The following COL19A1 variants were observed in gnomAD, a reference collection of about 807,000 sequenced individuals.
COL19A1 encodes the protein collagen alpha-1(XIX) chain.
Under a neutral mutation model 190.2 loss-of-function variants are expected in COL19A1, and 159 were observed. The ratio of observed to expected loss-of-function variants is 0.84; its 90% CI spans 0.73 to 0.95. The LOEUF (loss-of-function observed/expected upper bound fraction) is 0.95, where lower values mean the gene tolerates loss of function less well. COL19A1 is among the 40% of genes least tolerant of loss of function. The pLI is 0.00. For missense variants in COL19A1, 1,418 were observed against 1,431.9 expected, an observed-to-expected ratio of 0.99 and a Z score of 0.16; for synonymous variants, 509 against 458.9, an observed-to-expected ratio of 1.11 and a Z score of -1.39.
At chr6:69,985,126 A>G (rs1390946443) in intron 11 of COL19A1, among the ~76,000 whole-genome samples, 4 of 152,194 alleles carry the variant, frequency 2.6e-5, no homozygotes, top group Non-Finnish European at 5.9e-5. Context: ...TGGGTAAGAT[A>G]AAACTTGAAA....
chr6:70,034,018 G>A (rs372619341), intron 12 of COL19A1, among the ~76,000 whole-genome samples: 1 of 152,092 alleles, frequency 6.6e-6, no homozygotes, highest in African/African-American at 2.4e-5. Context: ...AAGCAAAGTT[G>A]CACAAATATG....
chr6:69,943,417 C>A (rs2150027214), intron 9 of COL19A1, among the ~76,000 whole-genome samples: 1 of 152,132 alleles, frequency 6.6e-6, no homozygotes, highest in South Asian at 2.1e-4. Context: ...GCAATATGGT[C>A]CCATTTGTCT....
rs559696714 is a variant in COL19A1, at chr6:69,879,018, G to C, written c.-32-518G>C. Among the ~76,000 whole-genome samples, 5 of 152,310 alleles carry C rather than the reference G, an allele frequency of 3.3e-5. No homozygotes were observed. The East Asian group carries it at 9.6e-4, about 29-fold the overall frequency. On this transcript the variant is annotated intron_variant, in intron 1 of 50. Coordinates refer to ENST00000620364, the MANE Select transcript of COL19A1 (RefSeq NM_001858.6). ...GTCAAAATCATAGAGAAAGAAAGTA[G>C]AATGAAGGCTGCTTGGAGTTGGGGG...
chr6:70,116,817 T>C (rs1784607827), intron 16 of COL19A1, among the ~76,000 whole-genome samples: 2 of 152,204 alleles, frequency 1.3e-5, no homozygotes, highest in South Asian at 4.1e-4. Context: ...AGAGAGTTGG[T>C]TAGTACAACT....
intron 1 of COL19A1, among the ~76,000 whole-genome samples, chr6:69,872,955 C>G (rs1389033316): frequency 6.6e-6 from 1 of 152,178 alleles, no homozygotes; most frequent in Non-Finnish European, 1.5e-5. Flanking sequence ...TGAGAGTAAA[C>G]ATTATGATAT....
chr6:69,945,900 T>C (rs1582484514), intron 9 of COL19A1, among the ~76,000 whole-genome samples: 1 of 152,052 alleles, frequency 6.6e-6, no homozygotes, highest in East Asian at 1.9e-4. Context: ...GTTTCGAGGA[T>C]AAATTTATTA....
intron 6 of COL19A1, among the ~76,000 whole-genome samples, 196 bp downstream of exon 6, chr6:69,929,896 C>G (rs1196505785): frequency 6.6e-6 from 1 of 152,114 alleles, no homozygotes; most frequent in East Asian, 1.9e-4. Flanking sequence ...ATTATTTTCA[C>G]TCCATTTTAT....
At chr6:70,025,754 T>A (rs924858380) in intron 12 of COL19A1, among the ~76,000 whole-genome samples, 1 of 152,244 alleles carries the variant, frequency 6.6e-6, no homozygotes, top group East Asian at 1.9e-4. Context: ...TTGCTGAATG[T>A]TAGTTTGAAA....
rs555382321 is a variant in COL19A1, at chr6:69,888,390, A to G, written c.91+8732A>G. 7.2e-5 allele frequency among the ~76,000 whole-genome samples: 11 copies of G among 152,272 alleles called. No homozygotes were observed. The South Asian group carries it at 2.3e-3, about 32-fold the overall frequency. ...TTCCCCAGAGTCCAATCCTAAGCCA[A>G]CTAGTTTAAGGTTTGGGAAATTAAC... On this transcript the variant is annotated intron_variant, in intron 2 of 50. Transcript: ENST00000620364.
chr6:69,951,822 A>G (rs879622474), intron 9 of COL19A1, among the ~76,000 whole-genome samples: 12 of 151,860 alleles, frequency 7.9e-5, no homozygotes, highest in Non-Finnish European at 1.3e-4. Context: ...GAGGGAAAAA[A>G]AATTAAAAAC....
chr6:70,192,276 G>A (rs1766921581), intron 48 of COL19A1, among the ~76,000 whole-genome samples: 1 of 152,000 alleles, frequency 6.6e-6, no homozygotes, highest in South Asian at 2.1e-4. Flanking sequence ...GGCAAAAAAT[G>A]TTTTTTTAAA....
Position 70,063,339 on chromosome 6 carries a change from G to A in COL19A1, c.1171-5084G>A, listed in dbSNP as rs1388814543. ...AGGATTAAGAAACTCACTCAAAACC[G>A]CTCAACTACATGGAAACTGAACAAC... On this transcript the variant is annotated intron_variant, in intron 14 of 50. Transcript: ENST00000620364. Among the ~76,000 whole-genome samples, 8 of 151,442 alleles carry A rather than the reference G, an allele frequency of 5.3e-5. No individual in the cohort carries two copies. In the South Asian group the frequency reaches 1.0e-3, roughly 20 times the overall value.
intron 11 of COL19A1, among the ~76,000 whole-genome samples, chr6:69,966,267 G>C (rs970895855): frequency 1.3e-5 from 2 of 152,180 alleles, no homozygotes; most frequent in Admixed American, 6.5e-5. Context: ...CCGTCTGGGA[G>C]GTGTACCCAA....
chr6:70,071,283 T>C (rs945814978), intron 15 of COL19A1, among the ~76,000 whole-genome samples: 2 of 152,132 alleles, frequency 1.3e-5, no homozygotes, highest in African/African-American at 4.8e-5. Flanking sequence ...TCTAACTCTT[T>C]GTGTAGTTTC....
At chr6:69,898,404 TGCTGTA>T (rs1322038291) in intron 2 of COL19A1, among the ~76,000 whole-genome samples, 1 of 152,224 alleles carries the variant, frequency 6.6e-6, no homozygotes. Flanking sequence ...TATCACTAAG[TGCTGTA>T]GCACATAAGT....
At chr6:69,962,430 GT>G (rs1280668433) in intron 10 of COL19A1, among the ~76,000 whole-genome samples, 1 of 152,324 alleles carries the variant, frequency 6.6e-6, no homozygotes, top group East Asian at 1.9e-4. Context: ...TAAGAAGGCT[GT>G]TTCCACTGAA....
intron 5 of COL19A1, among the ~76,000 whole-genome samples, chr6:69,928,385 A>T (rs897175585): frequency 6.6e-6 from 1 of 152,086 alleles, no homozygotes; most frequent in Non-Finnish European, 1.5e-5. Context: ...AATGTTATAT[A>T]TTATTTTTAA....
intron 1 of COL19A1, among the ~76,000 whole-genome samples, chr6:69,871,388 G>A (rs1767813050): frequency 6.6e-6 from 1 of 152,094 alleles, no homozygotes; most frequent in South Asian, 2.1e-4. Context: ...CTGGATGGTG[G>A]TCAAGAAGTT....
At chr6:70,197,250 C>T (rs1053499560) in intron 48 of COL19A1, among the ~76,000 whole-genome samples, 2 of 151,600 alleles carry the variant, frequency 1.3e-5, no homozygotes, top group African/African-American at 4.9e-5. Context: ...GAAACCCTGT[C>T]TCTACTAAAG....
Sources: gnomAD v4.1 joint callset for allele counts (sites outside exome capture counted in the v4.1 genomes callset) on GRCh38, gnomAD v4.1.1 for gene constraint, MANE v1.5 for transcripts, NCBI Gene and HGNC (gene_info 2026-07-23, HGNC 2026-07-21) for gene names.